SENP7: variants seen among roughly 807,000 people sequenced by gnomAD.
The protein encoded by SENP7 is SUMO specific peptidase 7.
SENP7 carries 64 observed loss-of-function variants against 141.2 expected under a neutral mutation model. The observed-to-expected ratio is 0.45, with a 90% CI of 0.37 to 0.56. The LOEUF (loss-of-function observed/expected upper bound fraction) is 0.56, where lower values mean the gene tolerates loss of function less well. Ranked by LOEUF, SENP7 falls within the 20% of genes least tolerant of loss-of-function variation. The pLI, the probability that SENP7 is intolerant of heterozygous loss-of-function variation, is 0.00. For synonymous variants in SENP7, 382 were observed against 426.4 expected (o/e 0.90, Z 1.28); for missense variants, 1,025 against 1,212.2 (o/e 0.85, Z 2.29).
intron 5 of SENP7, among the ~76,000 whole-genome samples, chr3:101,400,849 C>A (rs1176021706): frequency 2.0e-5 from 3 of 151,652 alleles, no homozygotes; most frequent in Non-Finnish European, 4.4e-5. Context: ...AATCCCAGCA[C>A]TTTGGGAGGT....
intron 3 of SENP7, among the ~76,000 whole-genome samples, chr3:101,463,338 A>C (rs889133475): frequency 2.9e-5 from 4 of 138,984 alleles, no homozygotes; most frequent in African/African-American, 8.0e-5. Context: ...GACACAGCAA[A>C]ACCATGTATC....
At chr3:101,473,682 ACTGT>A (rs1470541719) in intron 3 of SENP7, among the ~76,000 whole-genome samples, 4 of 152,054 alleles carry the variant, frequency 2.6e-5, no homozygotes, top group Non-Finnish European at 5.9e-5. Flanking sequence ...CATTCTGTAC[ACTGT>A]CTGTTTACTC....
intron 4 of SENP7, among the ~76,000 whole-genome samples, chr3:101,430,061 T>C (rs1282217549): frequency 6.6e-6 from 1 of 152,204 alleles, no homozygotes; most frequent in Non-Finnish European, 1.5e-5. Context: ...TGGATAAGTT[T>C]TTTGATGTGC....
chr3:101,433,840 C>G (rs1018404725), intron 4 of SENP7, among the ~76,000 whole-genome samples: 1 of 152,164 alleles, frequency 6.6e-6, no homozygotes, highest in Non-Finnish European at 1.5e-5. Flanking sequence ...CAGCACCCCA[C>G]TTTCAGCACT....
intron 4 of SENP7, among the ~76,000 whole-genome samples, chr3:101,441,102 C>T (rs1449730912): frequency 1.3e-5 from 2 of 152,150 alleles, no homozygotes; most frequent in Non-Finnish European, 2.9e-5. Flanking sequence ...CCAAACAGCA[C>T]ACAAGCATGT....
chr3:101,444,297 T>C (rs1166126007), intron 4 of SENP7, among the ~76,000 whole-genome samples: 7 of 150,798 alleles, frequency 4.6e-5, no homozygotes, highest in African/African-American at 7.3e-5. Flanking sequence ...GCTGGTGGGA[T>C]TGTAAACTAG....
intron 4 of SENP7, among the ~76,000 whole-genome samples, chr3:101,429,567 T>C (rs1347069449): frequency 6.6e-6 from 1 of 152,214 alleles, no homozygotes; most frequent in East Asian, 1.9e-4. Flanking sequence ...TGAAGTTGCT[T>C]CTCAGCTTAA....
rs114996448 is a variant in SENP7, at chr3:101,355,978, G to A, written c.1624-4327C>T. On this transcript the variant is annotated intron_variant, in intron 11 of 23. Coordinates refer to ENST00000394095, the MANE Select transcript of SENP7 (RefSeq NM_020654.5). ...TTTATTCATTTTGTGGCAATTGTGA[G>A]TGGGATTGCATTCCTGATTTGGCTC... is the stretch of plus-strand genomic sequence containing the variant. Among the ~76,000 whole-genome samples, 684 of 152,038 alleles carry A rather than the reference G, an allele frequency of 4.5e-3. 10 individuals are homozygous for A. The highest frequency in any genetic ancestry group is 0.016 in the African/African-American group (658 of 41,480).
At chr3:101,355,740 T>A (rs1050769095) in intron 11 of SENP7, among the ~76,000 whole-genome samples, 1 of 152,216 alleles carries the variant, frequency 6.6e-6, no homozygotes, top group South Asian at 2.1e-4. Flanking sequence ...TTTTTCATAT[T>A]TCTGTGAATA....
chr3:101,420,097 G>A lies in SENP7; in HGVS notation c.285-2307C>T, dbSNP rs186152793. On this transcript the variant is annotated intron_variant, in intron 4 of 23. Coordinates refer to ENST00000394095, the MANE Select transcript of SENP7 (RefSeq NM_020654.5). ...TAAAAGTGATAGGAGGCCAGGCGCTGTGGCTCACGCCTGTAATCCCAGCAC... is the reference window on the plus strand; with the variant it reads ...TAAAAGTGATAGGAGGCCAGGCGCTATGGCTCACGCCTGTAATCCCAGCAC... Among the ~76,000 whole-genome samples the A allele has an allele frequency of 9.5e-3, 1,443 of 152,344 alleles. 25 individuals carry two copies. Among genetic ancestry groups the A allele is most frequent in the African/African-American group, 0.033 (1,389 of 41,572 alleles).
At chr3:101,483,901 G>A (rs1345329525) in intron 3 of SENP7, among the ~76,000 whole-genome samples, 2 of 152,062 alleles carry the variant, frequency 1.3e-5, no homozygotes, top group African/African-American at 4.8e-5. Flanking sequence ...GGTGGCAGGT[G>A]CCTGTAATCC....
chr3:101,412,562 A>G (rs187077376), intron 5 of SENP7, among the ~76,000 whole-genome samples: 1 of 152,150 alleles, frequency 6.6e-6, no homozygotes, highest in African/African-American at 2.4e-5. Context: ...AATTTTAAAC[A>G]CATATAAATT....
At chr3:101,338,802 G>A (rs1363740220) in intron 16 of SENP7, among the ~76,000 whole-genome samples, 2 of 152,086 alleles carry the variant, frequency 1.3e-5, no homozygotes, top group African/African-American at 4.8e-5. Flanking sequence ...GAGACATTGG[G>A]TAGAATACTC....
intron 11 of SENP7, among the ~76,000 whole-genome samples, chr3:101,353,033 C>T (rs548623325): frequency 6.6e-6 from 1 of 152,014 alleles, no homozygotes; most frequent in South Asian, 2.1e-4. Context: ...TGAACTTTTT[C>T]CAGCTTTAGT....
intron 3 of SENP7, 65 bp from the exon 4 acceptor site, chr3:101,459,117 T>C: frequency 1.1e-6 from 1 of 873,390 alleles, no homozygotes; most frequent in Non-Finnish European, 1.7e-6. Flanking sequence ...ATTTAAACTG[T>C]TCTTTTTTAT....
At chr3:101,365,458 A>C (rs2107380796) in intron 9 of SENP7, among the ~76,000 whole-genome samples, 1 of 151,104 alleles carries the variant, frequency 6.6e-6, no homozygotes, top group East Asian at 2.0e-4. Context: ...CAACATGGTG[A>C]AACCCTGTCT....
chr3:101,368,226 G>C (rs777243979), intron 7 of SENP7, among the ~76,000 whole-genome samples: 22 of 151,986 alleles, frequency 1.4e-4, no homozygotes, highest in Middle Eastern at 3.2e-3. Context: ...TTATACAATA[G>C]TTGTGAGGTG....
rs138742171 is a variant in SENP7, at chr3:101,345,580, A to C, written c.1838-1626T>G. Among the ~76,000 whole-genome samples, 1,100 of 152,282 alleles carry C rather than the reference A, an allele frequency of 7.2e-3. 10 individuals are homozygous for C. Among genetic ancestry groups the C allele is most frequent in the African/African-American group, 0.024 (1,005 of 41,562 alleles). ...ATAGCAGAGCTACTGATTTGTGTAC[A>C]TTAATTTTGTATCCTGAAACAGTGA... On this transcript the variant is annotated intron_variant, in intron 13 of 23. Transcript: ENST00000394095.
intron 6 of SENP7, among the ~76,000 whole-genome samples, chr3:101,391,709 G>A (rs892039249): frequency 2.0e-5 from 3 of 152,106 alleles, no homozygotes; most frequent in Non-Finnish European, 4.4e-5. Context: ...AACAACTTAA[G>A]AGGAGGAAAT....
Sources: allele counts gnomAD v4.1 joint callset (sites outside exome capture counted in the v4.1 genomes callset), GRCh38; gene constraint gnomAD v4.1.1; transcripts MANE v1.5; gene names NCBI Gene and HGNC (gene_info 2026-07-23, HGNC 2026-07-21).